Variants in PROKR2 observed in about 807,000 individuals in gnomAD.
The protein encoded by PROKR2 is prokineticin receptor 2, also known as G protein-coupled receptor 73-like 1.
A neutral mutation model predicts 23.4 loss-of-function variants in PROKR2; 26 were observed. The observed-to-expected ratio is 1.11, with a 90% confidence interval of 0.81 to 1.54. The LOEUF is 1.54. Ranked by LOEUF, PROKR2 falls within the 40% of genes most tolerant of loss-of-function variation. The probability of loss-of-function intolerance (pLI) is 0.00; values close to 1 mark genes in which losing one functional copy is unlikely to be tolerated. For missense variants in PROKR2, 453 were observed against 511.5 expected (o/e 0.89, Z 1.10); for synonymous variants, 212 against 201.2 (o/e 1.05, Z -0.45).
At position 5,302,416 on chromosome 20, in the gene PROKR2, G is replaced by C. The variant is rs370738961; in HGVS notation, c.779C>G (p.Thr260Arg). Residue 260 changes from threonine to arginine, a missense_variant, in exon 3 of 3, where the codon ACG (threonine) becomes AGG (arginine). Coordinates refer to ENST00000678254, the MANE Select transcript of PROKR2 (RefSeq NM_144773.4). ...LWFKAVPGFQ[T>R]EQIRKRLRCR... ...GCGCAGCCGCTTGCGAATCTGCTCC[G>C]TCTGGAACCCAGGGACTGCCTTGAA... 11 of 1,614,206 alleles carry C rather than the reference G, an allele frequency of 6.8e-6. No homozygotes were observed. The highest frequency in any genetic ancestry group is 7.6e-6 in the Non-Finnish European group (9 of 1,180,044).
At chr20:5,313,720 A>T (rs1979529905) in intron 2 of PROKR2, among the ~76,000 whole-genome samples, 192 bp downstream of exon 2, 1 of 152,246 alleles carries the variant, frequency 6.6e-6, no homozygotes. Flanking sequence ...TGGCCCAGAG[A>T]TGGGCCACTC....
intron 2 of PROKR2, among the ~76,000 whole-genome samples, chr20:5,307,548 T>C (rs1001899551): frequency 2.0e-5 from 3 of 152,238 alleles, no homozygotes; most frequent in African/African-American, 4.8e-5. Flanking sequence ...GAAGATTGCA[T>C]TGCAGAACGG....
intron 2 of PROKR2, among the ~76,000 whole-genome samples, chr20:5,303,788 C>T (rs955571259): frequency 3.3e-5 from 5 of 152,078 alleles, no homozygotes; most frequent in Admixed American, 6.5e-5. Context: ...TGGAAATGAA[C>T]GTGTACTTCA....
rs1352040748 is a variant in PROKR2, at chr20:5,316,414, T to C, written c.-9+80A>G. 2.2e-6 allele frequency: 1 copy of C among 455,820 alleles called. No homozygotes were observed. Among genetic ancestry groups the C allele is most frequent in the East Asian group, 7.0e-5 (1 of 14,346 alleles). 28.2% of individuals were successfully genotyped at this position (455,820 alleles called of 1,614,324 possible). On this transcript the variant is annotated intron_variant, in intron 1 of 2. Transcript: ENST00000678254. This position sits in a 1 kb window ranked among gnomAD's most constrained non-coding sequence, Gnocchi z 5.0. ...GCAGCCGGAATGCCCGAGAAAAAAG[T>C]GGGCGTCAGAGGCCCTTGTCCTAGC...
intron 2 of PROKR2, among the ~76,000 whole-genome samples, chr20:5,303,634 C>T (rs1272507194): frequency 6.6e-6 from 1 of 152,072 alleles, no homozygotes; most frequent in Non-Finnish European, 1.5e-5. Context: ...CCAGAGAGAC[C>T]TAATGACACC....
rs1487460343 is a variant in PROKR2, at chr20:5,316,357, C to T, written c.-9+137G>A. 2 of 456,650 alleles carry T rather than the reference C, an allele frequency of 4.4e-6. No homozygotes were observed. Among genetic ancestry groups the T allele is most frequent in the African/African-American group, 2.0e-5 (1 of 50,192 alleles). 28.3% of individuals were successfully genotyped at this position (456,650 alleles called of 1,614,324 possible). On this transcript the variant is annotated intron_variant, in intron 1 of 2. Transcript: ENST00000678254. This position sits in a 1 kb window ranked among gnomAD's most constrained non-coding sequence, Gnocchi z 5.0. ...CAACTCGCCTGCTTGGAGCCAGCCC[C>T]GACGCATATCTCGAGAGTGGCGGGA...
intron 2 of PROKR2, among the ~76,000 whole-genome samples, chr20:5,304,772 T>C (rs1222042046): frequency 1.3e-5 from 2 of 152,224 alleles, no homozygotes. Flanking sequence ...AAAAAGATGA[T>C]TGCAGATTCG....
Position 5,302,232 on chromosome 20 carries a change from G to T in PROKR2, c.963C>A (p.Ile321=). The change falls in exon 3 of 3, where the codon ATC becomes ATA. Residue 321 remains isoleucine, a synonymous_variant. Transcript: ENST00000678254. ...YLTAFYVVEC[I]AMSNSMINTV... ...TGTTGATCATGCTGTTGCTCATGGC[G>T]ATGCACTCGACCACGTAGAAGGCAG... 1.2e-6 allele frequency: 2 copies of T among 1,614,192 alleles called. No individual in the cohort carries two copies. Among genetic ancestry groups the T allele is most frequent in the Non-Finnish European group, 1.7e-6 (2 of 1,180,050 alleles).
At chr20:5,302,785 G>C in intron 2 of PROKR2, 49 bp from the exon 3 acceptor site, 3 of 1,451,330 alleles carry the variant, frequency 2.1e-6, no homozygotes, top group Non-Finnish European at 2.9e-6. Flanking sequence ...ACGTGGAAAC[G>C]TTAGTTTGTA....
chr20:5,310,868 A>G (rs1979418632), intron 2 of PROKR2, among the ~76,000 whole-genome samples: 1 of 152,242 alleles, frequency 6.6e-6, no homozygotes, highest in African/African-American at 2.4e-5. Flanking sequence ...GGCACTGTGG[A>G]GAAAGATAGA....
chr20:5,309,507 C>T (rs1979352914), intron 2 of PROKR2, among the ~76,000 whole-genome samples: 1 of 152,172 alleles, frequency 6.6e-6, no homozygotes, highest in Non-Finnish European at 1.5e-5. Flanking sequence ...TCTTTGGCCT[C>T]CCTCTTTCAC....
Position 5,316,167 on chromosome 20 carries a change from C to G in PROKR2, c.-9+327G>C. ...CCACGGACGCTTGCTGTTTCCTGCT[C>G]ACCTTTCAGGAAGGTGCCCCTCTAC... On this transcript the variant is annotated intron_variant, in intron 1 of 2. Transcript: ENST00000678254. This position sits in a 1 kb window ranked among gnomAD's most constrained non-coding sequence, Gnocchi z 5.0. The G allele has an allele frequency of 2.2e-6, 1 of 456,716 alleles. No homozygotes were observed. The highest frequency in any genetic ancestry group is 1.5e-5 in the South Asian group (1 of 64,574). 28.3% of individuals were successfully genotyped at this position (456,716 alleles called of 1,614,324 possible).
chr20:5,312,238 C>A (rs1979470386), intron 2 of PROKR2, among the ~76,000 whole-genome samples: 1 of 152,190 alleles, frequency 6.6e-6, no homozygotes, highest in Non-Finnish European at 1.5e-5. Flanking sequence ...TCCCAAGTAG[C>A]TGGGATTACA....
Position 5,314,332 on chromosome 20 carries a change from T to A in PROKR2, c.38A>T (p.Asn13Ile). 1.2e-6 allele frequency: 2 copies of A among 1,613,998 alleles called. No individual in the cohort carries two copies. The highest frequency in any genetic ancestry group is 1.7e-6 in the Non-Finnish European group (2 of 1,179,996). Reference sequence around the variant, plus strand: ...GGCATGGTCTTGGGGTGGATTAAAGTTGGGTGTGAAACTGGTGTTTCCATT... The same window carrying A: ...GGCATGGTCTTGGGGTGGATTAAAGATGGGTGTGAAACTGGTGTTTCCATT... ...AQNGNTSFTP[N>I]FNPPQDHASS... Residue 13 changes from asparagine to isoleucine, a missense_variant, in exon 2 of 3, where the codon AAC (asparagine) becomes ATC (isoleucine). Coordinates refer to ENST00000678254, the MANE Select transcript of PROKR2 (RefSeq NM_144773.4).
At chr20:5,312,060 T>C (rs1310748304) in intron 2 of PROKR2, among the ~76,000 whole-genome samples, 1 of 152,180 alleles carries the variant, frequency 6.6e-6, no homozygotes, top group Non-Finnish European at 1.5e-5. Context: ...TCCTGGGACC[T>C]TGCCCAAGGG....
chr20:5,311,455 A>C (rs1250354438), intron 2 of PROKR2, among the ~76,000 whole-genome samples: 1 of 152,222 alleles, frequency 6.6e-6, no homozygotes, highest in Non-Finnish European at 1.5e-5. Context: ...GCTTCCCAAG[A>C]AACTCCAGTG....
At chr20:5,315,205 C>T (rs1328978400) in intron 1 of PROKR2, among the ~76,000 whole-genome samples, 1 of 150,416 alleles carries the variant, frequency 6.6e-6, no homozygotes, top group Non-Finnish European at 1.5e-5. Flanking sequence ...AATTCCCCTG[C>T]TGCTCCCCGT....
At chr20:5,314,414 G>T in intron 1 of PROKR2, 37 bp from the exon 2 acceptor site, 1 of 1,535,784 alleles carries the variant, frequency 6.5e-7, no homozygotes, top group Non-Finnish European at 9.0e-7. Context: ...TGCGAGGGGT[G>T]AGGGTCCAGA....
rs751875578 is a variant in PROKR2, at chr20:5,302,704, C to T, written c.491G>A (p.Arg164Gln). The T allele has an allele frequency of 5.7e-5, 92 of 1,613,938 alleles. No individual in the cohort carries two copies. The highest frequency in any genetic ancestry group is 1.5e-4 in the Admixed American group (9 of 60,010). Reference protein sequence around the residue: ...YLAIVHPLKPRMNYQTASFLI... With the variant: ...YLAIVHPLKPQMNYQTASFLI... ...GAAGGAGGCCGTTTGATAATTCATC[C>T]GTGGTTTCAAGGGGTGAACGATGGC... is the stretch of plus-strand genomic sequence containing the variant. Residue 164 changes from arginine to glutamine, a missense_variant, in exon 3 of 3, where the codon CGG becomes CAG. By Grantham distance (43) the Arg-to-Gln change is conservative (BLOSUM62 1). Coordinates refer to ENST00000678254, the MANE Select transcript of PROKR2 (RefSeq NM_144773.4).
Sources: allele counts gnomAD v4.1 joint callset (sites outside exome capture counted in the v4.1 genomes callset), GRCh38; gene constraint gnomAD v4.1.1; non-coding constraint Gnocchi (gnomAD v3.1); transcripts MANE v1.5; gene names NCBI Gene and HGNC (gene_info 2026-07-23, HGNC 2026-07-21).